OPCML: variants seen among roughly 807,000 people sequenced by gnomAD.
OPCML encodes the protein opioid binding protein/cell adhesion molecule like.
Under a neutral mutation model 37.8 loss-of-function variants are expected in OPCML, and 13 were observed. The ratio of observed to expected loss-of-function variants is 0.34; its 90% CI spans 0.22 to 0.55. The LOEUF (loss-of-function observed/expected upper bound fraction) is 0.55, where lower values mean the gene tolerates loss of function less well. Ranked by LOEUF, OPCML falls within the 20% of genes least tolerant of loss-of-function variation. OPCML has a pLI of 0.91. For synonymous variants in OPCML, 176 were observed against 168.8 expected (o/e 1.04, Z -0.33); for missense variants, 341 against 435.6 (o/e 0.78, Z 1.93).
chr11:132,644,303 T>C (rs1432817066), intron 3 of OPCML, among the ~76,000 whole-genome samples: 1 of 152,138 alleles, frequency 6.6e-6, no homozygotes, highest in East Asian at 1.9e-4. Context: ...GCTCTGTTAA[T>C]CACCCTTCAT....
intron 1 of OPCML, chr11:133,302,529 T>G (rs76651326): frequency 0.054 from 8,295 of 152,278 alleles, 263 homozygotes; most frequent in Non-Finnish European, 0.072. Flanking sequence ...CGAAATGACC[T>G]GGTGTGTGAA....
Position 133,173,650 on chromosome 11 carries a change from A to C in OPCML, c.62-230640T>G, listed in dbSNP as rs988657481. Among the ~76,000 whole-genome samples, 1 of 152,214 alleles carries C rather than the reference A, an allele frequency of 6.6e-6. No individual in the cohort carries two copies. Among genetic ancestry groups the C allele is most frequent in the Non-Finnish European group, 1.5e-5 (1 of 68,026 alleles). On this transcript the variant is annotated intron_variant, in intron 1 of 7. Transcript: ENST00000524381. This position sits in a 1 kb window ranked among gnomAD's most constrained non-coding sequence, Gnocchi z 7.8. ...AAATTAGCAGTAACGCGATGAGGCTAACGTAAGGGTAGACACCTCCCTGCA... is the reference window on the plus strand; with the variant it reads ...AAATTAGCAGTAACGCGATGAGGCTCACGTAAGGGTAGACACCTCCCTGCA...
chr11:133,456,222 G>A (rs1018285362), intron 1 of OPCML, among the ~76,000 whole-genome samples: 10 of 152,206 alleles, frequency 6.6e-5, no homozygotes, highest in African/African-American at 2.4e-4. Context: ...AACCTGGGGT[G>A]AGACTCTCTG....
chr11:132,466,982 T>A (rs577538344), intron 4 of OPCML, among the ~76,000 whole-genome samples: 11 of 151,612 alleles, frequency 7.3e-5, no homozygotes, highest in African/African-American at 2.4e-4. Context: ...GGGAGAGGGG[T>A]TTCCACAGAA....
intron 1 of OPCML, among the ~76,000 whole-genome samples, chr11:133,476,172 T>C (rs1315910804): frequency 6.6e-6 from 1 of 152,130 alleles, no homozygotes; most frequent in Admixed American, 6.5e-5. Flanking sequence ...ATTAAGGTAA[T>C]TTTCAACATA....
chr11:132,593,169 G>T (rs887088058), intron 3 of OPCML, among the ~76,000 whole-genome samples: 1 of 152,182 alleles, frequency 6.6e-6, no homozygotes, highest in Non-Finnish European at 1.5e-5. Flanking sequence ...CTGTGTGAAG[G>T]TCTGGGAGGA....
At chr11:132,833,043 G>T (rs7941949) in intron 2 of OPCML, among the ~76,000 whole-genome samples, 1 of 151,890 alleles carries the variant, frequency 6.6e-6, no homozygotes. Flanking sequence ...AGTTAGTACC[G>T]GGGACTTTAT....
At chr11:132,962,252 G>A (rs1364133114) in intron 1 of OPCML, among the ~76,000 whole-genome samples, 1 of 152,216 alleles carries the variant, frequency 6.6e-6, no homozygotes, top group African/African-American at 2.4e-5. Flanking sequence ...GAAGAAAACT[G>A]AGCAAGGGGA....
At chr11:133,142,163 T>C (rs1949832868) in intron 1 of OPCML, among the ~76,000 whole-genome samples, 1 of 152,234 alleles carries the variant, frequency 6.6e-6, no homozygotes, top group Non-Finnish European at 1.5e-5. Flanking sequence ...CCACCATGTC[T>C]TCTACCAGCA....
At chr11:132,669,354 A>G (rs1942358447) in intron 2 of OPCML, among the ~76,000 whole-genome samples, 1 of 152,114 alleles carries the variant, frequency 6.6e-6, no homozygotes, top group African/African-American at 2.4e-5. Context: ...AGAGAAACAC[A>G]TCCAATTCCC....
intron 2 of OPCML, among the ~76,000 whole-genome samples, chr11:132,682,275 GT>G (rs1449550920): frequency 1.3e-5 from 2 of 152,162 alleles, no homozygotes; most frequent in Non-Finnish European, 2.9e-5. Context: ...GTTTCAGTAG[GT>G]TTCTAACCTA....
intron 2 of OPCML, among the ~76,000 whole-genome samples, chr11:132,855,611 C>T (rs1942024840): frequency 1.3e-5 from 2 of 152,132 alleles, no homozygotes; most frequent in Admixed American, 1.3e-4. Flanking sequence ...ACATTTTAGC[C>T]ATGTGAGTGA....
intron 2 of OPCML, among the ~76,000 whole-genome samples, chr11:132,670,362 G>T (rs1410113782): frequency 3.3e-5 from 5 of 152,028 alleles, no homozygotes; most frequent in Non-Finnish European, 1.5e-5. Flanking sequence ...TACATATAAT[G>T]TACGGGATCA....
Position 132,496,453 on chromosome 11 carries a change from G to T in OPCML, c.505+32608C>A, listed in dbSNP as rs1986019. On this transcript the variant is annotated intron_variant, in intron 4 of 7. Transcript: ENST00000524381. ...TCTAATGCTTTATGGTTCTTGTTAG[G>T]AAAATAATTTGGCTTCTCCTAGAAC... is the stretch of plus-strand genomic sequence containing the variant. 3.7e-3 allele frequency among the ~76,000 whole-genome samples: 556 copies of T among 152,260 alleles called. 14 individuals are homozygous for T. The East Asian group carries it at 0.059, about 16-fold the overall frequency.
chr11:133,163,007 G>A (rs371127495), intron 1 of OPCML, among the ~76,000 whole-genome samples: 3 of 152,202 alleles, frequency 2.0e-5, no homozygotes, highest in Non-Finnish European at 2.9e-5. Context: ...CCTAAGGCAC[G>A]ACGTCATTAC....
intron 2 of OPCML, among the ~76,000 whole-genome samples, chr11:132,677,180 T>C (rs889363430): frequency 2.6e-5 from 4 of 151,986 alleles, no homozygotes; most frequent in African/African-American, 7.2e-5. Flanking sequence ...TACTTAGATA[T>C]AAATCTAACA....
At chr11:132,581,135 T>C (rs2096461283) in intron 3 of OPCML, among the ~76,000 whole-genome samples, 1 of 152,156 alleles carries the variant, frequency 6.6e-6, no homozygotes, top group Non-Finnish European at 1.5e-5. Context: ...CTTGCCCCAA[T>C]TCAGGTAAAT....
chr11:133,385,144 C>T (rs1945017776), intron 1 of OPCML, among the ~76,000 whole-genome samples: 1 of 152,170 alleles, frequency 6.6e-6, no homozygotes, highest in Non-Finnish European at 1.5e-5. Flanking sequence ...CGTTGCAGCA[C>T]TGGCTCTGGG....
chr11:132,542,124 C>A lies in OPCML; in HGVS notation c.380-12938G>T, dbSNP rs11827902. ...GACATTCCTGGCCCAGATCAACCAG[C>A]CTGTACTCCTCAGCTTCTCACCAAT... On this transcript the variant is annotated intron_variant, in intron 3 of 7. Coordinates refer to ENST00000524381, the MANE Select transcript of OPCML (RefSeq NM_001012393.5). Among the ~76,000 whole-genome samples the A allele has an allele frequency of 8.1e-3, 1,234 of 152,264 alleles. 21 individuals carry two copies. The highest frequency in any genetic ancestry group is 0.028 in the African/African-American group (1,183 of 41,566).
Sources: gnomAD v4.1 joint callset for allele counts (sites outside exome capture counted in the v4.1 genomes callset) on GRCh38, gnomAD v4.1.1 for gene constraint, Gnocchi (gnomAD v3.1) non-coding constraint, MANE v1.5 for transcripts, NCBI Gene and HGNC (gene_info 2026-07-23, HGNC 2026-07-21) for gene names.